Variants in TTC13 observed in about 807,000 individuals in gnomAD.
The protein encoded by TTC13 is tetratricopeptide repeat protein 13.
Under a neutral mutation model 120.0 loss-of-function variants are expected in TTC13, and 62 were observed. The ratio of observed to expected loss-of-function variants is 0.52; its 90% CI spans 0.42 to 0.64. The LOEUF is 0.64. Ranked by LOEUF, TTC13 falls within the 30% of genes least tolerant of loss-of-function variation. The probability of loss-of-function intolerance (pLI) is 0.00; values close to 1 mark genes in which losing one functional copy is unlikely to be tolerated. For missense variants in TTC13, 824 were observed against 1,050.2 expected (o/e 0.78, Z 2.98); for synonymous variants, 384 against 393.5 (o/e 0.98, Z 0.28).
chr1:230,962,124 C>T (rs376138704), intron 1 of TTC13, among the ~76,000 whole-genome samples: 1 of 151,826 alleles, frequency 6.6e-6, no homozygotes, highest in Non-Finnish European at 1.5e-5. Context: ...GCAGGAGAAT[C>T]GCTTGAACCC....
intron 8 of TTC13, among the ~76,000 whole-genome samples, chr1:230,938,339 C>T (rs1271249453): frequency 7.2e-5 from 11 of 152,172 alleles, no homozygotes; most frequent in African/African-American, 2.7e-4. Flanking sequence ...TTGAGCGGCA[C>T]TAAGGAGGCC....
intron 1 of TTC13, among the ~76,000 whole-genome samples, chr1:230,965,930 C>T (rs1020765404): frequency 1.3e-5 from 2 of 152,298 alleles, no homozygotes; most frequent in East Asian, 3.9e-4. Context: ...GGATTACAGG[C>T]ATGAATCACT....
chr1:230,946,055 G>C (rs1335783913), intron 4 of TTC13, among the ~76,000 whole-genome samples: 1 of 152,186 alleles, frequency 6.6e-6, no homozygotes, highest in East Asian at 1.9e-4. Flanking sequence ...CAATCCAGAT[G>C]GGGTGGAGGA....
chr1:230,908,857 T>C lies in TTC13; in HGVS notation c.2389-66A>G, dbSNP rs551244249. 8.7e-6 allele frequency: 14 copies of C among 1,605,272 alleles called. No individual in the cohort carries two copies. The East Asian group carries it at 1.1e-4, about 13-fold the overall frequency. On this transcript the variant is annotated intron_variant, in intron 21 of 22. Transcript: ENST00000366661. ...GGACACAGGCTCGGCTGGAGATCTATGTAACTCGTGTACCTTAAAATAAAA... is the reference window on the plus strand; with the variant it reads ...GGACACAGGCTCGGCTGGAGATCTACGTAACTCGTGTACCTTAAAATAAAA...
intron 8 of TTC13, among the ~76,000 whole-genome samples, chr1:230,938,618 G>A (rs770468752): frequency 2.0e-5 from 3 of 152,132 alleles, no homozygotes; most frequent in Non-Finnish European, 4.4e-5. Flanking sequence ...ACCTGTTCCT[G>A]TGGTCTCTCA....
Position 230,978,143 on chromosome 1 carries a change from G to A in TTC13, c.271+417C>T, listed in dbSNP as rs1678543859. Among the ~76,000 whole-genome samples the A allele has an allele frequency of 6.6e-6, 1 of 152,202 alleles. No individual in the cohort carries two copies. The highest frequency in any genetic ancestry group is 1.5e-5 in the Non-Finnish European group (1 of 68,024). ...GTGCCAGGCGTCTCCCTCCGGGGGC[G>A]GGCTCCGCAAGCCGCCGGGCTGGTT... On this transcript the variant is annotated intron_variant, in intron 1 of 22. Coordinates refer to ENST00000366661, the MANE Select transcript of TTC13 (RefSeq NM_024525.5). This position sits in a 1 kb window ranked among gnomAD's most constrained non-coding sequence, Gnocchi z 5.6.
At chr1:230,925,998 C>T (rs946527050) in intron 12 of TTC13, among the ~76,000 whole-genome samples, 14 of 152,148 alleles carry the variant, frequency 9.2e-5, no homozygotes, top group African/African-American at 3.1e-4. Context: ...TGCCCTTTGT[C>T]CACTCCTCAA....
intron 12 of TTC13, among the ~76,000 whole-genome samples, chr1:230,927,569 G>C (rs1203063309): frequency 2.0e-5 from 3 of 152,022 alleles, no homozygotes. Flanking sequence ...TTAATTTGTA[G>C]TGATACTTCA....
At chr1:230,916,168 C>T (rs1187999033) in intron 18 of TTC13, 25 bp downstream of exon 18, 10 of 1,541,294 alleles carry the variant, frequency 6.5e-6, no homozygotes, top group Middle Eastern at 1.7e-4. Context: ...CTCTAGTTTA[C>T]ACCCACATTA....
At chr1:230,922,945 C>T (rs1045520033) in intron 15 of TTC13, among the ~76,000 whole-genome samples, 1 of 151,986 alleles carries the variant, frequency 6.6e-6, no homozygotes, top group Non-Finnish European at 1.5e-5. Context: ...CCTATCTATG[C>T]CACAAATTAT....
At chr1:230,911,439 A>T in intron 20 of TTC13, 31 bp downstream of exon 20, 1 of 1,479,590 alleles carries the variant, frequency 6.8e-7, no homozygotes, top group East Asian at 2.3e-5. Flanking sequence ...TTCTCAATTT[A>T]AAATAATTTT....
intron 8 of TTC13, chr1:230,936,027 G>A (rs548974177): frequency 2.7e-6 from 1 of 369,454 alleles, no homozygotes; most frequent in East Asian, 7.3e-5. Flanking sequence ...AGGAAGTACA[G>A]GAGAAAGGGC....
Position 230,907,017 on chromosome 1 carries a change from A to T in TTC13, c.2471T>A (p.Ile824Asn). 6.8e-7 allele frequency: 1 copy of T among 1,477,572 alleles called. No homozygotes were observed. Among genetic ancestry groups the T allele is most frequent in the Non-Finnish European group, 9.0e-7 (1 of 1,107,632 alleles). 91.5% of individuals were successfully genotyped at this position (1,477,572 alleles called of 1,614,324 possible). A position where few individuals can be genotyped will look rare whatever the true frequency, so the allele number is the denominator to read the frequency against. The change falls in exon 23 of 23, where the codon ATT becomes AAT. Residue 824 changes from isoleucine to asparagine, a missense_variant and splice_region_variant. Physicochemically the swap from Ile to Asn is moderately radical, Grantham distance 149 (BLOSUM62 -3). Coordinates refer to ENST00000366661, the MANE Select transcript of TTC13 (RefSeq NM_024525.5). ...VAKSWMNLKS[I>N]SPSYKTLPSV... ...TGGAAGAGTCTTATAAGAAGGTGAA[A>T]TACTGAAAAAGAAAAACACAAAGTA...
At chr1:230,923,994 T>C (rs1672820822) in intron 14 of TTC13, 61 bp from the exon 15 acceptor site, 3 of 1,357,224 alleles carry the variant, frequency 2.2e-6, no homozygotes, top group Non-Finnish European at 2.1e-6. Context: ...ATAAAACATG[T>C]AGAAGTGTTT....
chr1:230,941,533 C>T (rs994655390), intron 6 of TTC13, among the ~76,000 whole-genome samples: 10 of 152,126 alleles, frequency 6.6e-5, no homozygotes, highest in African/African-American at 2.4e-4. Flanking sequence ...GAACTCTTGG[C>T]CTTGAGCAAT....
intron 2 of TTC13, among the ~76,000 whole-genome samples, chr1:230,960,897 A>G (rs536302331): frequency 2.0e-5 from 3 of 152,378 alleles, no homozygotes; most frequent in African/African-American, 7.2e-5. Context: ...AGATACCCAC[A>G]TATGCAAAGG....
intron 12 of TTC13, among the ~76,000 whole-genome samples, chr1:230,926,955 C>A (rs955261358): frequency 6.6e-6 from 1 of 152,160 alleles, no homozygotes; most frequent in African/African-American, 2.4e-5. Context: ...ATACAATATA[C>A]TCTACAGTTT....
At position 230,919,440 on chromosome 1, in the gene TTC13, C is replaced by T. The variant is rs139620877; in HGVS notation, c.1983+1070G>A. Among the ~76,000 whole-genome samples the T allele has an allele frequency of 2.2e-3, 340 of 152,298 alleles. 2 individuals are homozygous for T. Among genetic ancestry groups the T allele is most frequent in the African/African-American group, 7.9e-3 (327 of 41,574 alleles). ...ATGAATCCATTCATGAGGGCTCTGC[C>T]ATTAAACACTTCCTGTTAGGCTCCA... On this transcript the variant is annotated intron_variant, in intron 17 of 22. Transcript: ENST00000366661.
At chr1:230,917,350 C>G (rs976768332) in intron 17 of TTC13, among the ~76,000 whole-genome samples, 1 of 152,134 alleles carries the variant, frequency 6.6e-6, no homozygotes, top group Admixed American at 6.5e-5. Flanking sequence ...GCAGGGAAGC[C>G]GCAGAGTGGG....
Sources: allele counts gnomAD v4.1 joint callset (sites outside exome capture counted in the v4.1 genomes callset), GRCh38; gene constraint gnomAD v4.1.1; non-coding constraint Gnocchi (gnomAD v3.1); transcripts MANE v1.5; gene names NCBI Gene and HGNC (gene_info 2026-07-23, HGNC 2026-07-21).